SCAND1: variants seen among roughly 807,000 people sequenced by gnomAD.
SCAND1 encodes SCAN domain-containing protein 1.
In SCAND1, 3 loss-of-function variants were observed where a neutral mutation model predicts 3.4. The observed-to-expected ratio is 0.87, with a 90% CI of 0.40 to 2.25. The LOEUF is 2.25. Ranked by LOEUF, SCAND1 falls within the 30% of genes most tolerant of loss-of-function variation. SCAND1 has a pLI of 0.05. For synonymous variants in SCAND1, 152 were observed against 120.5 expected (o/e 1.26, Z -1.72); for missense variants, 303 against 258.8 (o/e 1.17, Z -1.17).
upstream of SCAND1, among the ~76,000 whole-genome samples, chr20:35,957,926 C>G (rs375239978): frequency 2.6e-5 from 4 of 152,266 alleles, no homozygotes; most frequent in African/African-American, 9.6e-5. Context: ...AGGCCTGACT[C>G]CTAGGTAGCT....
At chr20:35,955,621 T>G (rs1172044231), upstream of SCAND1, among the ~76,000 whole-genome samples, 1 of 152,190 alleles carries the variant, frequency 6.6e-6, no homozygotes, top group Non-Finnish European at 1.5e-5. Flanking sequence ...GAGCTACTGT[T>G]TTCTTATCAG....
rs575970060 is a variant in SCAND1 at position 35,954,453 on chromosome 20, C to A, written c.-61G>T. 5.8e-4 allele frequency: 902 copies of A among 1,548,986 alleles called. 4 individuals carry two copies. The highest frequency in any genetic ancestry group is 3.3e-3 in the South Asian group (278 of 83,312). ...CGAGAGTGTGCGGAGCTTACCTGCA[C>A]CAGCGAAGCGCCTGCGGCAGCCGGA... On this transcript the variant is annotated 5_prime_UTR_variant, in exon 1 of 2. Coordinates refer to ENST00000305978, the MANE Select transcript of SCAND1 (RefSeq NM_033630.3).
upstream of SCAND1, chr20:35,955,213 G>T (rs955461080): frequency 1.9e-5 from 3 of 157,278 alleles, no homozygotes; most frequent in Non-Finnish European, 4.4e-5. Context: ...GATAACCCTC[G>T]AAATATAGCG....
chr20:35,954,123 G>C lies in SCAND1; in HGVS notation c.162C>G (p.Asn54Lys), dbSNP rs553959427. ...SPPAPEPSSP[N>K]AAVPEAIPTP... ...TAGGGATGGCTTCAGGGACCGCGGC[G>C]TTGGGACTGGAAGGCTCAGGGGCAG... Residue 54 changes from asparagine (N) to lysine (K), a missense_variant, in exon 2 of 2, where the codon AAC becomes AAG. Physicochemically the swap from Asn to Lys is moderately conservative, Grantham distance 94 (BLOSUM62 0). Coordinates refer to ENST00000305978, the MANE Select transcript of SCAND1 (RefSeq NM_033630.3). The C allele has an allele frequency of 4.5e-6, 7 of 1,552,530 alleles. No individual in the cohort carries two copies. The highest frequency in any genetic ancestry group is 6.1e-6 in the Non-Finnish European group (7 of 1,146,898).
At chr20:35,955,987 C>T (rs184379101), upstream of SCAND1, among the ~76,000 whole-genome samples, 86 of 152,308 alleles carry the variant, frequency 5.6e-4, no homozygotes, top group African/African-American at 1.8e-3. Context: ...TCCCAAAGTG[C>T]TGGCATTACA....
chr20:35,953,781 C>T lies in SCAND1; in HGVS notation c.504G>A (p.Arg168=). 4 of 1,492,090 alleles carry T rather than the reference C, an allele frequency of 2.7e-6. No homozygotes were observed. The highest frequency in any genetic ancestry group is 3.6e-6 in the Non-Finnish European group (4 of 1,124,162). The allele number at this position is 1,492,090 out of a possible 1,614,324, so 92.4% of individuals were successfully genotyped here. Residue 168 remains arginine, a synonymous_variant, in exon 2 of 2, where the codon CGG becomes CGA. Transcript: ENST00000305978. ...AILPEAARAR[R]IRRRTDVRIT... is the part of the protein sequence containing the mutation. ...TGCGCACATCCGTGCGGCGGCGGAT[C>T]CGCCGGGCCCGAGCCGCCTCGGGCA... is the stretch of plus-strand genomic sequence containing the variant.
rs3180680 is a variant in SCAND1, at chr20:35,953,625, G to T, written c.*120C>A. ...ATGAAAGAGACACACCAGACCACAG[G>T]CGCTGCCAAAACTCATTTTTCATTA... On this transcript the variant is annotated 3_prime_UTR_variant, in exon 2 of 2. Transcript: ENST00000305978. 1 of 567,120 alleles carries T rather than the reference G, an allele frequency of 1.8e-6. No homozygotes were observed. Among genetic ancestry groups the T allele is most frequent in the Non-Finnish European group, 2.9e-6 (1 of 348,476 alleles). 35.1% of individuals were successfully genotyped at this position (567,120 alleles called of 1,614,324 possible).
Position 35,954,168 on chromosome 20 carries a change from C to T in SCAND1, c.117G>A (p.Ser39=), listed in dbSNP as rs1056803764. Residue 39 remains serine, a synonymous_variant, in exon 2 of 2, where the codon TCG becomes TCA. Coordinates refer to ENST00000305978, the MANE Select transcript of SCAND1 (RefSeq NM_033630.3). ...GGGCAGGCGGTGAGGCCTCTGGCAGCGAGGAGCCCACACAGTTACGCTCAG... is the reference window on the plus strand; with the variant it reads ...GGGCAGGCGGTGAGGCCTCTGGCAGTGAGGAGCCCACACAGTTACGCTCAG... ...SAPERNCVGS[S]LPEASPPAPE... 6.2e-7 allele frequency: 1 copy of T among 1,604,514 alleles called. No homozygotes were observed. The highest frequency in any genetic ancestry group is 8.5e-7 in the Non-Finnish European group (1 of 1,176,612).
chr20:35,956,537 G>A (rs887212462), upstream of SCAND1, among the ~76,000 whole-genome samples: 1 of 152,184 alleles, frequency 6.6e-6, no homozygotes, highest in African/African-American at 2.4e-5. Context: ...GTTGCTCTCA[G>A]GTTGTTGCTT....
At chr20:35,959,289 G>A (rs2056287435), upstream of SCAND1, 2 of 150,900 alleles carry the variant, frequency 1.3e-5, no homozygotes, top group Non-Finnish European at 2.9e-5. Flanking sequence ...GTTCTAGTAT[G>A]TAGTATTTTT....
At chr20:35,958,698 A>T (rs892828324), upstream of SCAND1, among the ~76,000 whole-genome samples, 17 of 152,110 alleles carry the variant, frequency 1.1e-4, no homozygotes, top group African/African-American at 4.1e-4. Flanking sequence ...GATTAATGCA[A>T]CTACTACCAC....
chr20:35,954,617 G>C, upstream of SCAND1: 1 of 1,348,914 alleles, frequency 7.4e-7, no homozygotes, highest in Non-Finnish European at 9.7e-7. Flanking sequence ...GGGAGGGCGA[G>C]CTGCGCGTGG....
upstream of SCAND1, among the ~76,000 whole-genome samples, chr20:35,955,740 G>C (rs2056249787): frequency 6.6e-6 from 1 of 152,194 alleles, no homozygotes; most frequent in Non-Finnish European, 1.5e-5. Context: ...GTGGTTTTCT[G>C]TTTGGTAGCT....
In SCAND1 at chr20:35,953,799, C is replaced by A; in HGVS notation, c.486G>T (p.Glu162Asp). The A allele has an allele frequency of 6.5e-7, 1 of 1,533,092 alleles. No homozygotes were observed. The highest frequency in any genetic ancestry group is 1.2e-5 in the South Asian group (1 of 83,084). 95.0% of individuals were successfully genotyped at this position (1,533,092 alleles called of 1,614,324 possible). Residue 162 changes from glutamate (E) to aspartate (D), a missense_variant, in exon 2 of 2, where the codon GAG (glutamate) becomes GAT (aspartate). Glu to Asp is a conservative substitution (Grantham distance 45, BLOSUM62 2). Coordinates refer to ENST00000305978, the MANE Select transcript of SCAND1 (RefSeq NM_033630.3). ...GGCGGATCCGCCGGGCCCGAGCCGC[C>A]TCGGGCAGGATGGCGAGCAGCTGCT... ...VQEQLLAILP[E>D]AARARRIRRR...
At chr20:35,954,967 G>A (rs2056238329), upstream of SCAND1, 1 of 207,684 alleles carries the variant, frequency 4.8e-6, no homozygotes, top group Non-Finnish European at 1.1e-5. Flanking sequence ...AACTAGGAGG[G>A]CGATAGCACC....
At chr20:35,954,643 A>G, upstream of SCAND1, 1 of 1,291,026 alleles carries the variant, frequency 7.7e-7, no homozygotes, top group Non-Finnish European at 1.0e-6. Flanking sequence ...GCTCCTTCCG[A>G]ATGGTGGCGC....
upstream of SCAND1, chr20:35,955,117 A>G (rs1441101260): frequency 5.9e-6 from 1 of 170,236 alleles, no homozygotes; most frequent in African/African-American, 2.4e-5. Flanking sequence ...TAACGTCAGC[A>G]TTTAATAAGT....
Position 35,954,345 on chromosome 20 carries a change from C to CG in SCAND1, c.-55-7dup. On this transcript the variant is annotated splice_polypyrimidine_tract_variant and splice_region_variant and intron_variant, in intron 1 of 1. Transcript: ENST00000305978. ...CTGTGTGCTCAGCACTGCGTCTGCGCGGGGGTGGGGTGAGCAGGGAGACGT... is the reference window on the plus strand; with the variant it reads ...CTGTGTGCTCAGCACTGCGTCTGCGCGGGGGGTGGGGTGAGCAGGGAGACGT... 17 of 1,608,140 alleles carry CG rather than the reference C, an allele frequency of 1.1e-5. No individual in the cohort carries two copies. Among genetic ancestry groups the CG allele is most frequent in the Non-Finnish European group, 1.4e-5 (17 of 1,177,292 alleles).
chr20:35,953,917 CG>C lies in SCAND1; in HGVS notation c.367del (p.Arg123GlyfsTer76). 1 of 1,548,902 alleles carries C rather than the reference CG, an allele frequency of 6.5e-7. No homozygotes were observed. ...QFRYQDAAGP[R>X]EAFRQLRELS... ...CTCCCGCAGCTGCCGGAAAGCCTCC[CG>C]GGGACCCGCCGCATCCTGGTAGCGG... On this transcript the variant is annotated frameshift_variant, in exon 2 of 2. Transcript: ENST00000305978. LOFTEE classifies it high-confidence loss of function.
Sources: allele counts gnomAD v4.1 joint callset (sites outside exome capture counted in the v4.1 genomes callset), GRCh38; gene constraint gnomAD v4.1.1; transcripts MANE v1.5; gene names NCBI Gene and HGNC (gene_info 2026-07-23, HGNC 2026-07-21).